COLQ: variants seen among roughly 807,000 people sequenced by gnomAD.
The protein encoded by COLQ is collagen like tail subunit of asymmetric acetylcholinesterase, also known as acetylcholinesterase collagenic tail peptide.
COLQ carries 48 observed loss-of-function variants against 69.0 expected under a neutral mutation model. That is an observed-to-expected ratio of 0.70 (90% CI 0.55 to 0.88). The LOEUF (loss-of-function observed/expected upper bound fraction) is 0.88. Among genes scored for constraint, COLQ ranks in the 40% least tolerant of loss-of-function variants. The pLI is 0.00. For missense variants in COLQ, 618 were observed against 594.6 expected, an observed-to-expected ratio of 1.04 and a Z score of -0.41; for synonymous variants, 217 against 211.2, an observed-to-expected ratio of 1.03 and a Z score of -0.24.
rs527245685 is a variant in COLQ at position 15,462,970 on chromosome 3, G to A, written c.814+3371C>T. Among the ~76,000 whole-genome samples, 22 of 152,322 alleles carry A rather than the reference G, an allele frequency of 1.4e-4. No homozygotes were observed. The East Asian group carries it at 3.9e-3, about 27-fold the overall frequency. On this transcript the variant is annotated intron_variant, in intron 12 of 16. Transcript: ENST00000383788. ...TGGGCAGAGGCTGGGGTAGTCAAGG[G>A]AGAGGGAGGTGGGCATACTGGGTGG...
chr3:15,470,401 C>G (rs961645669), intron 11 of COLQ, 135 bp downstream of exon 11: 3 of 818,218 alleles, frequency 3.7e-6, no homozygotes, highest in Non-Finnish European at 6.4e-6. Context: ...GTGCTGCTCC[C>G]GTCTGCTAGC....
At chr3:15,477,498 T>C in intron 5 of COLQ, 1 of 396,166 alleles carries the variant, frequency 2.5e-6, no homozygotes, top group South Asian at 2.4e-5. Flanking sequence ...TGCGTTCCAA[T>C]GGGTTCTTTC....
intron 11 of COLQ, among the ~76,000 whole-genome samples, chr3:15,468,991 CAA>C (rs1265847665): frequency 6.6e-6 from 1 of 152,180 alleles, no homozygotes; most frequent in Non-Finnish European, 1.5e-5. Context: ...GGCCAACAAA[CAA>C]AGAGTATGTA....
chr3:15,497,035 C>T (rs1427159733), intron 1 of COLQ, among the ~76,000 whole-genome samples: 1 of 136,378 alleles, frequency 7.3e-6, no homozygotes, highest in African/African-American at 2.9e-5. Context: ...AGTCCTTTTG[C>T]CTTTTTTTTT....
At chr3:15,492,527 C>T (rs1342603858) in intron 1 of COLQ, among the ~76,000 whole-genome samples, 2 of 152,002 alleles carry the variant, frequency 1.3e-5, no homozygotes, top group African/African-American at 2.4e-5. Context: ...ATTAGCCGGG[C>T]GTAGTGGTGG....
chr3:15,499,447 T>C (rs187535423), intron 1 of COLQ, among the ~76,000 whole-genome samples: 1 of 152,324 alleles, frequency 6.6e-6, no homozygotes, highest in African/African-American at 2.4e-5. Context: ...TATTTAGGCT[T>C]TGTGGGTCAC....
chr3:15,494,086 G>A (rs2062710653), intron 1 of COLQ, among the ~76,000 whole-genome samples: 1 of 152,242 alleles, frequency 6.6e-6, no homozygotes, highest in Non-Finnish European at 1.5e-5. Context: ...AATAGTGACT[G>A]TTGGGGTCAG....
intron 12 of COLQ, among the ~76,000 whole-genome samples, chr3:15,465,695 GT>G (rs1162613436): frequency 7.2e-6 from 1 of 139,682 alleles, no homozygotes; most frequent in Non-Finnish European, 1.5e-5. Flanking sequence ...CCAGGTTCAA[GT>G]GATTCTTCTG....
intron 1 of COLQ, among the ~76,000 whole-genome samples, chr3:15,517,967 C>T (rs975898902): frequency 3.3e-5 from 5 of 151,960 alleles, no homozygotes; most frequent in Non-Finnish European, 5.9e-5. Flanking sequence ...TTTTTTTAAA[C>T]GAAGTTTCAC....
chr3:15,519,652 C>A (rs1021482975), intron 1 of COLQ, among the ~76,000 whole-genome samples: 1 of 152,176 alleles, frequency 6.6e-6, no homozygotes, highest in African/African-American at 2.4e-5. Context: ...TTCATCTGAA[C>A]CACCTGAGTT....
At chr3:15,459,925 G>C (rs1285041887) in intron 12 of COLQ, among the ~76,000 whole-genome samples, 1 of 152,006 alleles carries the variant, frequency 6.6e-6, no homozygotes, top group Non-Finnish European at 1.5e-5. Flanking sequence ...TTTGCCCCAA[G>C]GTTGAGAACT....
chr3:15,474,351 C>T, intron 8 of COLQ, 79 bp from the exon 9 acceptor site: 4 of 1,450,760 alleles, frequency 2.8e-6, no homozygotes, highest in Non-Finnish European at 3.9e-6. Context: ...TGAAAAGCTC[C>T]CTAAACCAAA....
At chr3:15,517,434 CTG>C (rs1215705054) in intron 1 of COLQ, among the ~76,000 whole-genome samples, 1 of 152,296 alleles carries the variant, frequency 6.6e-6, no homozygotes, top group East Asian at 1.9e-4. Context: ...ACAAATTAAA[CTG>C]TGTGGAAGGC....
chr3:15,451,390 A>G lies in COLQ; in HGVS notation c.*254T>C, dbSNP rs1162381979. On this transcript the variant is annotated 3_prime_UTR_variant, in exon 17 of 17. Coordinates refer to ENST00000383788, the MANE Select transcript of COLQ (RefSeq NM_005677.4). ...GCATTGTAGCCGGTTGTTTGGCCAA[A>G]TGGTAGCGATGGGGAACAGGTCTCA... 9.4e-6 allele frequency: 6 copies of G among 641,260 alleles called. No individual in the cohort carries two copies. The highest frequency in any genetic ancestry group is 1.7e-5 in the Non-Finnish European group (6 of 350,590). 39.7% of individuals were successfully genotyped at this position (641,260 alleles called of 1,614,324 possible).
At chr3:15,488,331 T>C (rs370259073) in intron 2 of COLQ, 24 bp from the exon 3 acceptor site, 1 of 1,601,576 alleles carries the variant, frequency 6.2e-7, no homozygotes, top group Admixed American at 1.7e-5. Context: ...CAACACAGAG[T>C]TAGAGGTCAG....
intron 1 of COLQ, among the ~76,000 whole-genome samples, chr3:15,501,628 AGC>A (rs1475544233): frequency 6.6e-6 from 1 of 152,194 alleles, no homozygotes; most frequent in Non-Finnish European, 1.5e-5. Context: ...GGTTCCCCTG[AGC>A]CCTCCTCTTG....
chr3:15,493,349 G>A (rs913896433), intron 1 of COLQ, among the ~76,000 whole-genome samples: 1 of 152,220 alleles, frequency 6.6e-6, no homozygotes, highest in Non-Finnish European at 1.5e-5. Context: ...GAGATTTATT[G>A]TAAAGTTAAC....
Position 15,465,032 on chromosome 3 carries a change from G to A in COLQ, c.814+1309C>T, listed in dbSNP as rs181877687. On this transcript the variant is annotated intron_variant, in intron 12 of 16. Coordinates refer to ENST00000383788, the MANE Select transcript of COLQ (RefSeq NM_005677.4). ...CTACTAAAAATACAAGAATTAGCCAGGCGTGGTGGAAGGCACCTGTAATCC... is the reference window on the plus strand; with the variant it reads ...CTACTAAAAATACAAGAATTAGCCAAGCGTGGTGGAAGGCACCTGTAATCC... Among the ~76,000 whole-genome samples the A allele has an allele frequency of 4.6e-3, 692 of 151,960 alleles. 8 individuals carry two copies. The highest frequency in any genetic ancestry group is 0.016 in the African/African-American group (645 of 41,490).
At chr3:15,470,430 A>C in intron 11 of COLQ, 106 bp downstream of exon 11, 1 of 999,328 alleles carries the variant, frequency 1.0e-6, no homozygotes, top group South Asian at 1.3e-5. Context: ...TGCTGGAGTC[A>C]AGGTCTACAG....
Sources: gnomAD v4.1 joint callset for allele counts (sites outside exome capture counted in the v4.1 genomes callset) on GRCh38, gnomAD v4.1.1 for gene constraint, MANE v1.5 for transcripts, NCBI Gene and HGNC (gene_info 2026-07-23, HGNC 2026-07-21) for gene names.